The following PIK3CG variants were observed in gnomAD, a reference collection of about 807,000 sequenced individuals.
The protein encoded by PIK3CG is phosphatidylinositol 4,5-bisphosphate 3-kinase catalytic subunit gamma isoform.
PIK3CG carries 55 observed loss-of-function variants against 102.3 expected under a neutral mutation model. That is an observed-to-expected ratio of 0.54 (90% CI 0.43 to 0.67). The LOEUF is 0.67. Ranked by LOEUF, PIK3CG falls within the 30% of genes least tolerant of loss-of-function variation. The pLI, the probability that PIK3CG is intolerant of heterozygous loss-of-function variation, is 0.00. For synonymous variants in PIK3CG, 552 were observed against 540.0 expected (o/e 1.02, Z -0.31); for missense variants, 1,258 against 1,391.8 (o/e 0.90, Z 1.53).
intron 4 of PIK3CG, among the ~76,000 whole-genome samples, chr7:106,873,914 TG>T (rs1465510805): frequency 6.6e-6 from 1 of 152,188 alleles, no homozygotes; most frequent in East Asian, 1.9e-4. Context: ...CATATCTTCC[TG>T]GTCTGGTAAA....
In PIK3CG at chr7:106,867,343, A is replaced by G. The variant is rs1457341805; in HGVS notation, c.-12-207A>G. Among the ~76,000 whole-genome samples the G allele has an allele frequency of 6.6e-6, 1 of 152,174 alleles. No individual in the cohort carries two copies. Among genetic ancestry groups the G allele is most frequent in the East Asian group, 1.9e-4 (1 of 5,196 alleles). ...AGATTAAGCAGCCCAAATCACCCAGAAAGTAAGTGGCTGGGCCAGGACTCA... is the reference window on the plus strand; with the variant it reads ...AGATTAAGCAGCCCAAATCACCCAGGAAGTAAGTGGCTGGGCCAGGACTCA... On this transcript the variant is annotated intron_variant, in intron 1 of 10. Coordinates refer to ENST00000496166, the MANE Select transcript of PIK3CG (RefSeq NM_001282426.2). The surrounding 1 kb of genome is among the most constrained non-coding windows in gnomAD (Gnocchi z 5.1).
rs1417906617 is a variant in PIK3CG at position 106,899,855 on chromosome 7, A to T, written c.3031-5254A>T. On this transcript the variant is annotated intron_variant, in intron 10 of 10. Transcript: ENST00000496166. The surrounding 1 kb of genome is among the most constrained non-coding windows in gnomAD (Gnocchi z 4.6). ...GTTTCTGCCAGGTTTTGGTATCAAG[A>T]TGATGCTGCTCTCATAGAACGAGTT... Among the ~76,000 whole-genome samples, 1 of 152,206 alleles carries T rather than the reference A, an allele frequency of 6.6e-6. No homozygotes were observed. Among genetic ancestry groups the T allele is most frequent in the East Asian group, 1.9e-4 (1 of 5,200 alleles).
In PIK3CG at chr7:106,882,110, T is replaced by C. The variant is rs376031209; in HGVS notation, c.2539-7T>C. The C allele has an allele frequency of 3.7e-5, 53 of 1,414,124 alleles. No individual in the cohort carries two copies. In the African/African-American group the frequency reaches 6.2e-4, roughly 16 times the overall value. 87.6% of individuals were successfully genotyped at this position (1,414,124 alleles called of 1,614,324 possible). A position where few individuals can be genotyped will look rare whatever the true frequency, so the allele number is the denominator to read the frequency against. ...TAATATAAACATTTCTGTGTTTCGA[T>C]GCCCAGATTCTACGAATCATGGAGT... On this transcript the variant is annotated splice_region_variant and splice_polypyrimidine_tract_variant and intron_variant, in intron 6 of 10. Transcript: ENST00000496166.
rs553490898 is a variant in PIK3CG at position 106,884,606 on chromosome 7, C to T, written c.2872+340C>T. On this transcript the variant is annotated intron_variant, in intron 9 of 10. Transcript: ENST00000496166. The surrounding 1 kb of genome is among the most constrained non-coding windows in gnomAD (Gnocchi z 4.2). ...GCAGTGGCCCCCAACCTCTTTGGCA[C>T]CAAGGACCGGCTTCTTGGAAGACAC... is the stretch of plus-strand genomic sequence containing the variant. Among the ~76,000 whole-genome samples the T allele has an allele frequency of 6.6e-6, 1 of 152,190 alleles. No homozygotes were observed. The highest frequency in any genetic ancestry group is 6.5e-5 in the Admixed American group (1 of 15,302).
intron 7 of PIK3CG, chr7:106,882,763 A>C: frequency 3.2e-6 from 1 of 313,922 alleles, no homozygotes; most frequent in Non-Finnish European, 5.8e-6. Context: ...CAGCATATAA[A>C]TGCTTTTATT....
At chr7:106,889,976 A>G (rs753687094) in intron 10 of PIK3CG, among the ~76,000 whole-genome samples, 4 of 152,256 alleles carry the variant, frequency 2.6e-5, no homozygotes, top group Non-Finnish European at 5.9e-5. Flanking sequence ...CAATTTTGAT[A>G]AATTCTCCAC....
intron 7 of PIK3CG, 119 bp downstream of exon 7, chr7:106,882,326 G>T: frequency 2.3e-6 from 1 of 430,440 alleles, no homozygotes. Context: ...TAAAAAGGAA[G>T]AAAACATTTC....
rs925470946 is a variant in PIK3CG, at chr7:106,891,538, T to C, written c.3030+5246T>C. On this transcript the variant is annotated intron_variant, in intron 10 of 10. Coordinates refer to ENST00000496166, the MANE Select transcript of PIK3CG (RefSeq NM_001282426.2). This position sits in a 1 kb window ranked among gnomAD's most constrained non-coding sequence, Gnocchi z 4.4. ...ATGGAGTATATACACATAGTGTACATTCAATACAGGACAGTGGATAAAGGG... is the reference window on the plus strand; with the variant it reads ...ATGGAGTATATACACATAGTGTACACTCAATACAGGACAGTGGATAAAGGG... 6.6e-6 allele frequency among the ~76,000 whole-genome samples: 1 copy of C among 152,182 alleles called. No individual in the cohort carries two copies. The highest frequency in any genetic ancestry group is 1.5e-5 in the Non-Finnish European group (1 of 68,040).
rs766647915 is a variant in PIK3CG, at chr7:106,907,615, T to G, written c.*2228T>G. On this transcript the variant is annotated 3_prime_UTR_variant, in exon 11 of 11. Transcript: ENST00000496166. Reference sequence around the variant, plus strand: ...TTTTTATTTGAATTGCTGAAATAATTTATTGATGATGAAAAAAAGATTAGA... The same window carrying G: ...TTTTTATTTGAATTGCTGAAATAATGTATTGATGATGAAAAAAAGATTAGA... Among the ~76,000 whole-genome samples the G allele has an allele frequency of 1.3e-5, 2 of 151,796 alleles. No individual in the cohort carries two copies. Among genetic ancestry groups the G allele is most frequent in the Non-Finnish European group, 2.9e-5 (2 of 67,964 alleles).
At chr7:106,866,356 T>C (rs1425541837) in intron 1 of PIK3CG, among the ~76,000 whole-genome samples, 2 of 152,222 alleles carry the variant, frequency 1.3e-5, no homozygotes, top group Non-Finnish European at 2.9e-5. Context: ...CAAATTTCAA[T>C]TATTATTTGA....
At position 106,892,136 on chromosome 7, in the gene PIK3CG, T is replaced by C. The variant is rs568802696; in HGVS notation, c.3030+5844T>C. On this transcript the variant is annotated intron_variant, in intron 10 of 10. Transcript: ENST00000496166. This position sits in a 1 kb window ranked among gnomAD's most constrained non-coding sequence, Gnocchi z 5.2. ...TTTCTTGCTGGAGACTTGAGTATTC[T>C]CCCAAGCCCAGCCACAGGGACCACA... Among the ~76,000 whole-genome samples, 17 of 152,158 alleles carry C rather than the reference T, an allele frequency of 1.1e-4. No individual in the cohort carries two copies. The highest frequency in any genetic ancestry group is 7.8e-4 in the Admixed American group (12 of 15,288).
rs746754356 is a variant in PIK3CG at position 106,868,709 on chromosome 7, T to C, written c.1148T>C (p.Val383Ala). The stretch of plus-strand genomic sequence containing the variant: ...CGGAACACCGACCTCACAGTTTTTG[T>C]AGAGGCAAACATCCAGCATGGGCAA... ...LPRNTDLTVFVEANIQHGQQV... is the reference protein window; with the variant it reads ...LPRNTDLTVFAEANIQHGQQV... Residue 383 changes from valine (V) to alanine (A), a missense_variant, in exon 2 of 11, where the codon GTA becomes GCA. Coordinates refer to ENST00000496166, the MANE Select transcript of PIK3CG (RefSeq NM_001282426.2). The surrounding 1 kb of genome is among the most constrained non-coding windows in gnomAD (Gnocchi z 6.2). 6.2e-7 allele frequency: 1 copy of C among 1,614,208 alleles called. No homozygotes were observed. Among genetic ancestry groups the C allele is most frequent in the Admixed American group, 1.7e-5 (1 of 60,028 alleles).
Position 106,867,812 on chromosome 7 carries a change from C to G in PIK3CG, c.251C>G (p.Ala84Gly), listed in dbSNP as rs766854286. Reference protein sequence around the residue: ...VWLRALETSVAADFYHRLGPH... With the variant: ...VWLRALETSVGADFYHRLGPH... ...CTGCGAGCGCTGGAGACCAGCGTGG[C>G]GGCGGACTTCTACCACCGGCTGGGA... The change falls in exon 2 of 11, where the codon GCG (alanine) becomes GGG (glycine). Residue 84 changes from alanine (A) to glycine (G), a missense_variant. Transcript: ENST00000496166. This position sits in a 1 kb window ranked among gnomAD's most constrained non-coding sequence, Gnocchi z 5.1. 2.5e-6 allele frequency: 4 copies of G among 1,612,310 alleles called. No individual in the cohort carries two copies. Among genetic ancestry groups the G allele is most frequent in the Non-Finnish European group, 3.4e-6 (4 of 1,179,942 alleles).
Position 106,899,054 on chromosome 7 carries a change from A to G in PIK3CG, c.3031-6055A>G, listed in dbSNP as rs1791479311. 6.6e-6 allele frequency among the ~76,000 whole-genome samples: 1 copy of G among 152,030 alleles called. No individual in the cohort carries two copies. Among genetic ancestry groups the G allele is most frequent in the African/African-American group, 2.4e-5 (1 of 41,408 alleles). ...CTCTGATTTCTTAGAGCAGTGTTTTATAATTCTCATTGTAGAGATCTTTCA... is the reference window on the plus strand; with the variant it reads ...CTCTGATTTCTTAGAGCAGTGTTTTGTAATTCTCATTGTAGAGATCTTTCA... On this transcript the variant is annotated intron_variant, in intron 10 of 10. Transcript: ENST00000496166. The surrounding 1 kb of genome is among the most constrained non-coding windows in gnomAD (Gnocchi z 4.6).
chr7:106,883,001 A>T lies in PIK3CG; in HGVS notation c.2630-32A>T, dbSNP rs849397. 6.2e-7 allele frequency: 1 copy of T among 1,608,122 alleles called. No individual in the cohort carries two copies. The highest frequency in any genetic ancestry group is 8.5e-7 in the Non-Finnish European group (1 of 1,176,168). On this transcript the variant is annotated intron_variant, in intron 7 of 10. Transcript: ENST00000496166. The surrounding 1 kb of genome is among the most constrained non-coding windows in gnomAD (Gnocchi z 5.8). ...CCTCTGGGCCAGGTACTGGCCCCCA[A>T]TCTCCATCAGACTCTGTGCATCCTT... is the stretch of plus-strand genomic sequence containing the variant.
intron 10 of PIK3CG, 84 bp downstream of exon 10, chr7:106,886,376 C>T: frequency 1.4e-6 from 2 of 1,417,606 alleles, no homozygotes; most frequent in South Asian, 2.5e-5. Context: ...ACCTCTCACT[C>T]AGCTTGGAGG....
intron 5 of PIK3CG, among the ~76,000 whole-genome samples, chr7:106,876,339 A>G (rs968997429): frequency 2.6e-5 from 4 of 151,220 alleles, no homozygotes; most frequent in Non-Finnish European, 5.9e-5. Flanking sequence ...ATTAGAGTAC[A>G]TTCTTCTGAA....
chr7:106,867,823 T>C lies in PIK3CG; in HGVS notation c.262T>C (p.Tyr88His), dbSNP rs147631551. ...ALETSVAADF[Y>H]HRLGPHHFLL... ...GGAGACCAGCGTGGCGGCGGACTTC[T>C]ACCACCGGCTGGGACCGCATCACTT... Residue 88 changes from tyrosine (Y) to histidine (H), a missense_variant, in exon 2 of 11, where the codon TAC (tyrosine) becomes CAC (histidine). Physicochemically the swap from Tyr to His is moderately conservative, Grantham distance 83. Coordinates refer to ENST00000496166, the MANE Select transcript of PIK3CG (RefSeq NM_001282426.2). This position sits in a 1 kb window ranked among gnomAD's most constrained non-coding sequence, Gnocchi z 5.1. 1.2e-6 allele frequency: 2 copies of C among 1,612,412 alleles called. No homozygotes were observed. The highest frequency in any genetic ancestry group is 1.7e-6 in the Non-Finnish European group (2 of 1,179,952).
At position 106,883,202 on chromosome 7, in the gene PIK3CG, A is replaced by G. The variant is rs2116546823; in HGVS notation, c.2760+39A>G. 6.2e-7 allele frequency: 1 copy of G among 1,611,376 alleles called. No individual in the cohort carries two copies. Reference sequence around the variant, plus strand: ...TTTTCCCAGTCTAATGGCTCCTTACAAGTTGTCATTTATATAGCAGTAGTG... The same window carrying G: ...TTTTCCCAGTCTAATGGCTCCTTACGAGTTGTCATTTATATAGCAGTAGTG... On this transcript the variant is annotated intron_variant, in intron 8 of 10. Transcript: ENST00000496166. This position sits in a 1 kb window ranked among gnomAD's most constrained non-coding sequence, Gnocchi z 5.8.
Sources: gnomAD v4.1 joint callset for allele counts (sites outside exome capture counted in the v4.1 genomes callset) on GRCh38, gnomAD v4.1.1 for gene constraint, Gnocchi (gnomAD v3.1) non-coding constraint, MANE v1.5 for transcripts, NCBI Gene and HGNC (gene_info 2026-07-23, HGNC 2026-07-21) for gene names.